Variants in MS4A14 observed in about 807,000 individuals in gnomAD.
MS4A14 encodes membrane-spanning 4-domains subfamily A member 14.
A neutral mutation model predicts 16.7 loss-of-function variants in MS4A14; 18 were observed. That is an observed-to-expected ratio of 1.08 (90% CI 0.75 to 1.60). The LOEUF (loss-of-function observed/expected upper bound fraction) is 1.60. Ranked by LOEUF, MS4A14 falls within the 40% of genes most tolerant of loss-of-function variation. The probability of loss-of-function intolerance (pLI) is 0.00; values close to 1 mark genes in which losing one functional copy is unlikely to be tolerated. For missense variants in MS4A14, 812 were observed against 775.3 expected (o/e 1.05, Z -0.56); for synonymous variants, 305 against 289.4 (o/e 1.05, Z -0.55).
intron 3 of MS4A14, among the ~76,000 whole-genome samples, chr11:60,400,989 T>A (rs1055361660): frequency 6.6e-6 from 1 of 152,172 alleles, no homozygotes; most frequent in African/African-American, 2.4e-5. Flanking sequence ...CTATCTCCAA[T>A]ACCAACCGAG....
chr11:60,398,062 C>T lies in MS4A14; in HGVS notation c.267+82C>T, dbSNP rs193289186. ...GCTTCACGTCCTAGGGTAATGAATT[C>T]CATAAATATGGCCCTCCAGGAGACC... On this transcript the variant is annotated intron_variant, in intron 2 of 4. Coordinates refer to ENST00000300187, the MANE Select transcript of MS4A14 (RefSeq NM_032597.5). 3,387 of 1,488,342 alleles carry T rather than the reference C, an allele frequency of 2.3e-3. 22 individuals carry two copies. Among genetic ancestry groups the T allele is most frequent in the Non-Finnish European group, 1.8e-3 (1,979 of 1,103,632 alleles). 92.2% of individuals were successfully genotyped at this position (1,488,342 alleles called of 1,614,324 possible).
chr11:60,412,540 A>T (rs1353869423), intron 4 of MS4A14, among the ~76,000 whole-genome samples: 1 of 151,926 alleles, frequency 6.6e-6, no homozygotes, highest in Admixed American at 6.6e-5. Flanking sequence ...ATTCTTTTAC[A>T]ATACTTTATA....
At position 60,415,522 on chromosome 11, in the gene MS4A14, A is replaced by C. The variant is rs777733233; in HGVS notation, c.554A>C (p.Gln185Pro). The stretch of plus-strand genomic sequence containing the variant: ...AATGATCAATTACAATTTGTGCTTC[A>C]AGAAGAGTTTTCCAGTGATGATTCA... ...EENDQLQFVLQEEFSSDDSTT... is the reference protein window; with the variant it reads ...EENDQLQFVLPEEFSSDDSTT... Residue 185 changes from glutamine (Q) to proline (P), a missense_variant, in exon 5 of 5, where the codon CAA (glutamine) becomes CCA (proline). Coordinates refer to ENST00000300187, the MANE Select transcript of MS4A14 (RefSeq NM_032597.5). The C allele has an allele frequency of 6.2e-7, 1 of 1,613,726 alleles. No individual in the cohort carries two copies. The highest frequency in any genetic ancestry group is 8.5e-7 in the Non-Finnish European group (1 of 1,179,758).
intron 3 of MS4A14, 117 bp from the exon 4 acceptor site, chr11:60,402,795 G>A (rs905934435): frequency 7.7e-6 from 8 of 1,036,992 alleles, no homozygotes; most frequent in Non-Finnish European, 1.1e-5. Context: ...CTGACCTGAT[G>A]GAACAACTCT....
At chr11:60,407,513 C>T (rs1053481554) in intron 4 of MS4A14, among the ~76,000 whole-genome samples, 1 of 152,150 alleles carries the variant, frequency 6.6e-6, no homozygotes, top group Non-Finnish European at 1.5e-5. Context: ...AACAGTTTGT[C>T]AAAGTGGCTG....
intron 4 of MS4A14, among the ~76,000 whole-genome samples, chr11:60,411,625 C>A (rs77486400): frequency 0.026 from 3,904 of 152,082 alleles, 177 homozygotes; most frequent in African/African-American, 0.09. Context: ...GTATCTTGAA[C>A]CTTGTTGCAA....
At chr11:60,400,258 A>T (rs1046421081) in intron 2 of MS4A14, 146 bp from the exon 3 acceptor site, 2 of 528,324 alleles carry the variant, frequency 3.8e-6, no homozygotes, top group Non-Finnish European at 6.9e-6. Context: ...ACCTACGCCT[A>T]CCTTCCCTAC....
intron 2 of MS4A14, among the ~76,000 whole-genome samples, chr11:60,398,517 T>A (rs1204845470): frequency 6.6e-6 from 1 of 152,206 alleles, no homozygotes; most frequent in Non-Finnish European, 1.5e-5. Flanking sequence ...GATTCCTAAT[T>A]TTGTGCCATA....
intron 1 of MS4A14, among the ~76,000 whole-genome samples, 171 bp downstream of exon 1, chr11:60,396,887 G>A (rs955118688): frequency 6.6e-6 from 1 of 152,148 alleles, no homozygotes; most frequent in Non-Finnish European, 1.5e-5. Flanking sequence ...CCAGCAGAGG[G>A]GGAAGCAAGA....
intron 4 of MS4A14, among the ~76,000 whole-genome samples, chr11:60,415,038 C>G (rs547606616): frequency 9.1e-4 from 139 of 152,136 alleles, no homozygotes; most frequent in Admixed American, 1.8e-3. Context: ...TTGTGAGCAC[C>G]TTAAGGGAAA....
intron 3 of MS4A14, among the ~76,000 whole-genome samples, chr11:60,401,567 A>G (rs1298966625): frequency 1.3e-5 from 2 of 152,234 alleles, no homozygotes; most frequent in Non-Finnish European, 2.9e-5. Context: ...CAGCCCTTCC[A>G]CAAACCGTGA....
intron 4 of MS4A14, among the ~76,000 whole-genome samples, chr11:60,409,353 A>G (rs1050670697): frequency 6.6e-6 from 1 of 151,948 alleles, no homozygotes; most frequent in Non-Finnish European, 1.5e-5. Flanking sequence ...GGTAACCACT[A>G]TTCTAGTCTT....
chr11:60,411,626 C>T (rs979039019), intron 4 of MS4A14, among the ~76,000 whole-genome samples: 7 of 152,172 alleles, frequency 4.6e-5, no homozygotes, highest in African/African-American at 1.7e-4. Flanking sequence ...TATCTTGAAC[C>T]TTGTTGCAAT....
chr11:60,416,393 G>C lies in MS4A14; in HGVS notation c.1425G>C (p.Glu475Asp). The C allele has an allele frequency of 6.2e-7, 1 of 1,613,972 alleles. No individual in the cohort carries two copies. Among genetic ancestry groups the C allele is most frequent in the East Asian group, 2.2e-5 (1 of 44,876 alleles). Residue 475 changes from glutamate (E) to aspartate (D), a missense_variant, in exon 5 of 5, where the codon GAG becomes GAC. Glu to Asp is a conservative substitution (Grantham distance 45). Coordinates refer to ENST00000300187, the MANE Select transcript of MS4A14 (RefSeq NM_032597.5). ...MEETKEWKSE[E>D]ELHRRKSSRR... is the part of the protein sequence containing the mutation. ...AGACCAAAGAATGGAAATCTGAGGA[G>C]GAACTCCATAGAAGAAAATCCTCAA... is the stretch of plus-strand genomic sequence containing the variant.
At chr11:60,408,473 T>A (rs1433869809) in intron 4 of MS4A14, among the ~76,000 whole-genome samples, 1 of 152,186 alleles carries the variant, frequency 6.6e-6, no homozygotes. Flanking sequence ...ATTCCCCTCC[T>A]GATTGCCCCT....
At position 60,416,030 on chromosome 11, in the gene MS4A14, C is replaced by T. The variant is rs1565181001; in HGVS notation, c.1062C>T (p.Asp354=). 4 of 1,613,788 alleles carry T rather than the reference C, an allele frequency of 2.5e-6. No individual in the cohort carries two copies. Among genetic ancestry groups the T allele is most frequent in the Non-Finnish European group, 3.4e-6 (4 of 1,179,928 alleles). The change falls in exon 5 of 5, where the codon GAC becomes GAT. Residue 354 remains aspartate (D), a synonymous_variant. Transcript: ENST00000300187. ...VKQSSNLTAN[D]LPPQGILSQD... is the part of the protein sequence containing the mutation. ...AGTCTTCTAATCTGACAGCTAATGA[C>T]CTGCCCCCTCAAGGCATACTATCCC...
chr11:60,406,587 G>A (rs1798684938), intron 4 of MS4A14, among the ~76,000 whole-genome samples: 1 of 152,172 alleles, frequency 6.6e-6, no homozygotes, highest in African/African-American at 2.4e-5. Flanking sequence ...TGACCCCTGT[G>A]ATATGTCTCC....
intron 4 of MS4A14, among the ~76,000 whole-genome samples, chr11:60,408,594 T>C (rs2085822765): frequency 6.6e-6 from 1 of 152,212 alleles, no homozygotes; most frequent in Non-Finnish European, 1.5e-5. Flanking sequence ...TGAGTAAGCA[T>C]AATATTTTCA....
At chr11:60,413,795 C>T (rs1020661585) in intron 4 of MS4A14, among the ~76,000 whole-genome samples, 3 of 152,066 alleles carry the variant, frequency 2.0e-5, no homozygotes, top group Non-Finnish European at 4.4e-5. Context: ...AGAAATTTCT[C>T]TGTGCCAGTT....
Sources: allele counts gnomAD v4.1 joint callset (sites outside exome capture counted in the v4.1 genomes callset), GRCh38; gene constraint gnomAD v4.1.1; transcripts MANE v1.5; gene names NCBI Gene and HGNC (gene_info 2026-07-23, HGNC 2026-07-21).